C16orf74: variants seen among roughly 807,000 people sequenced by gnomAD.
C16orf74 encodes the protein calcimembrin, also known as uncharacterized protein C16orf74.
Under a neutral mutation model 6.5 loss-of-function variants are expected in C16orf74, and 10 were observed. The ratio of observed to expected loss-of-function variants is 1.54; its 90% CI spans 0.95 to 2.61. C16orf74 has a LOEUF of 2.61. Among genes scored for constraint, C16orf74 ranks in the 30% most tolerant of loss-of-function variants. The pLI is 0.00. For missense variants in C16orf74, 141 were observed against 105.9 expected, an observed-to-expected ratio of 1.33 and a Z score of -1.45; for synonymous variants, 60 against 42.5, an observed-to-expected ratio of 1.41 and a Z score of -1.60.
At chr16:85,709,283 G>C (rs2053943444) in intron 3 of C16orf74, among the ~76,000 whole-genome samples, 1 of 152,168 alleles carries the variant, frequency 6.6e-6, no homozygotes, top group South Asian at 2.1e-4. Context: ...GAATGAAGGA[G>C]GTGGAGGTTG....
At chr16:85,723,721 G>A (rs1412745672) in intron 2 of C16orf74, among the ~76,000 whole-genome samples, 5 of 152,254 alleles carry the variant, frequency 3.3e-5, no homozygotes, top group South Asian at 2.1e-4. Flanking sequence ...ATTTGGGTTC[G>A]AGGGTGGTGG....
intron 1 of C16orf74, among the ~76,000 whole-genome samples, chr16:85,748,690 G>C (rs1169907009): frequency 6.6e-6 from 1 of 152,158 alleles, no homozygotes; most frequent in East Asian, 1.9e-4. Flanking sequence ...AGTTTGGCTT[G>C]AGAGAGAACA....
chr16:85,733,278 A>G (rs390924), intron 2 of C16orf74, among the ~76,000 whole-genome samples: 145,912 of 152,312 alleles, frequency 0.96, 70,206 homozygotes, highest in East Asian at 1. Flanking sequence ...AAAACACCAC[A>G]CTGAGTGACG....
chr16:85,707,966 C>A lies in C16orf74; in HGVS notation c.*42G>T, dbSNP rs749961558. On this transcript the variant is annotated 3_prime_UTR_variant, in exon 4 of 4. Transcript: ENST00000284245. ...ACGCCCCCGGACACCTGAAGCCGGG[C>A]CGCTGGAGCAGGAGCCAGCCAGCCA... 1.6e-5 allele frequency: 25 copies of A among 1,532,950 alleles called. No homozygotes were observed. The highest frequency in any genetic ancestry group is 2.1e-5 in the Non-Finnish European group (24 of 1,131,898). 95.0% of individuals were successfully genotyped at this position (1,532,950 alleles called of 1,614,324 possible). A position where few individuals can be genotyped will look rare whatever the true frequency, so the allele number is the denominator to read the frequency against.
intron 2 of C16orf74, among the ~76,000 whole-genome samples, chr16:85,711,976 A>G (rs1353701701): frequency 6.6e-6 from 1 of 152,206 alleles, no homozygotes; most frequent in Non-Finnish European, 1.5e-5. Flanking sequence ...CTTCCAACAA[A>G]TAGGACTGCC....
chr16:85,741,373 AAACAC>A (rs2054305504), intron 1 of C16orf74, among the ~76,000 whole-genome samples: 1 of 152,156 alleles, frequency 6.6e-6, no homozygotes, highest in African/African-American at 2.4e-5. Context: ...CCCTACCTCA[AAACAC>A]ACAGGGGAAG....
At chr16:85,748,986 G>A (rs2054406155) in intron 1 of C16orf74, among the ~76,000 whole-genome samples, 1 of 142,202 alleles carries the variant, frequency 7.0e-6, no homozygotes, top group South Asian at 2.2e-4. Flanking sequence ...TCACTATGTT[G>A]CTCAGGTTGG....
At chr16:85,724,444 G>C (rs1007003655) in intron 2 of C16orf74, among the ~76,000 whole-genome samples, 1 of 152,172 alleles carries the variant, frequency 6.6e-6, no homozygotes, top group Non-Finnish European at 1.5e-5. Context: ...GATCCAGCTC[G>C]GCCATACTCT....
intron 2 of C16orf74, among the ~76,000 whole-genome samples, chr16:85,712,263 G>A (rs1383933020): frequency 6.6e-6 from 1 of 152,172 alleles, no homozygotes; most frequent in Non-Finnish European, 1.5e-5. Context: ...TCGACCCTGA[G>A]CCAGAACCAC....
intron 2 of C16orf74, among the ~76,000 whole-genome samples, chr16:85,732,951 T>C (rs1204823071): frequency 6.6e-6 from 1 of 152,152 alleles, no homozygotes; most frequent in African/African-American, 2.4e-5. Context: ...CTGCCTGTGC[T>C]TTCACTCGTG....
At chr16:85,728,131 G>C (rs2054152706) in intron 2 of C16orf74, among the ~76,000 whole-genome samples, 1 of 152,068 alleles carries the variant, frequency 6.6e-6, no homozygotes, top group Non-Finnish European at 1.5e-5. Context: ...GAGGGAGAGT[G>C]AGATCCTGTC....
chr16:85,710,739 C>A lies in C16orf74; in HGVS notation c.29-432G>T, dbSNP rs573845911. On this transcript the variant is annotated intron_variant, in intron 2 of 3. Coordinates refer to ENST00000284245, the MANE Select transcript of C16orf74 (RefSeq NM_206967.3). ...CGTGCCTTTGCATATGCTGCTCCCC[C>A]CGCCTGGGATGCTCTTTCTTCCTCT... The A allele has an allele frequency of 3.7e-5, 6 of 160,218 alleles. No individual in the cohort carries two copies. The South Asian group carries it at 7.7e-4, about 20-fold the overall frequency. 9.9% of individuals were successfully genotyped at this position (160,218 alleles called of 1,614,324 possible). A position where few individuals can be genotyped will look rare whatever the true frequency, so the allele number is the denominator to read the frequency against.
intron 2 of C16orf74, among the ~76,000 whole-genome samples, chr16:85,727,867 G>A (rs1475269610): frequency 2.0e-5 from 3 of 151,556 alleles, no homozygotes; most frequent in African/African-American, 7.3e-5. Flanking sequence ...GGCCGGGTGC[G>A]GTGGCTCATG....
At chr16:85,735,429 C>G (rs1052364909) in intron 1 of C16orf74, among the ~76,000 whole-genome samples, 194 bp from the exon 2 acceptor site, 7 of 152,138 alleles carry the variant, frequency 4.6e-5, no homozygotes, top group African/African-American at 1.7e-4. Context: ...GAGTCTGTGA[C>G]GGTGGAAAAA....
chr16:85,714,640 G>C (rs557655020), intron 2 of C16orf74, among the ~76,000 whole-genome samples: 1 of 150,916 alleles, frequency 6.6e-6, no homozygotes, highest in Non-Finnish European at 1.5e-5. Flanking sequence ...GGCTGGTCTC[G>C]AACTCCTGAC....
intron 2 of C16orf74, among the ~76,000 whole-genome samples, chr16:85,726,886 T>A (rs2054139356): frequency 6.6e-6 from 1 of 152,044 alleles, no homozygotes; most frequent in Non-Finnish European, 1.5e-5. Flanking sequence ...TGCCCATGAG[T>A]TTCTGCTACC....
chr16:85,740,223 AAAAAAAAG>A (rs1299096863), intron 1 of C16orf74, among the ~76,000 whole-genome samples: 3 of 150,586 alleles, frequency 2.0e-5, no homozygotes, highest in East Asian at 3.9e-4. Flanking sequence ...AAAAAAAAAA[AAAAAAAAG>A]AAAAAGAAAT....
chr16:85,712,819 G>A (rs1347650166), intron 2 of C16orf74, among the ~76,000 whole-genome samples: 1 of 152,204 alleles, frequency 6.6e-6, no homozygotes, highest in Non-Finnish European at 1.5e-5. Context: ...TGCTCTCTAA[G>A]CCCTTGGAAT....
At chr16:85,750,334 G>A (rs1191128644) in intron 1 of C16orf74, among the ~76,000 whole-genome samples, 1 of 152,176 alleles carries the variant, frequency 6.6e-6, no homozygotes, top group African/African-American at 2.4e-5. Context: ...GGGAGCTGCG[G>A]GTGCCCCTTT....
Sources: gnomAD v4.1 joint callset for allele counts (sites outside exome capture counted in the v4.1 genomes callset) on GRCh38, gnomAD v4.1.1 for gene constraint, MANE v1.5 for transcripts, NCBI Gene and HGNC (gene_info 2026-07-23, HGNC 2026-07-21) for gene names.